The following RNF168 variants were observed in gnomAD, a reference collection of about 807,000 sequenced individuals.
RNF168 encodes the protein ring finger protein 168.
A neutral mutation model predicts 34.9 loss-of-function variants in RNF168; 34 were observed. That is an observed-to-expected ratio of 0.97 (90% confidence interval 0.74 to 1.30). The LOEUF is 1.30. RNF168 is among the 50% of genes most tolerant of loss of function. The pLI is 0.00. For synonymous variants in RNF168, 264 were observed against 254.7 expected, an observed-to-expected ratio of 1.04 and a Z score of -0.35; for missense variants, 725 against 682.5, an observed-to-expected ratio of 1.06 and a Z score of -0.69.
intron 5 of RNF168, among the ~76,000 whole-genome samples, chr3:196,473,226 T>C (rs1285268715): frequency 3.3e-5 from 5 of 152,186 alleles, no homozygotes; most frequent in Admixed American, 6.6e-5. Context: ...TTTTAACTCT[T>C]TTCTCTACCG....
chr3:196,489,741 G>A (rs1732545320), intron 1 of RNF168, among the ~76,000 whole-genome samples: 1 of 152,200 alleles, frequency 6.6e-6, no homozygotes, highest in Admixed American at 6.5e-5. Flanking sequence ...CTACAGCTGA[G>A]GTAGAATTAG....
intron 1 of RNF168, among the ~76,000 whole-genome samples, chr3:196,497,404 GCTCACACCTGTAATC>G (rs1426674216): frequency 6.6e-6 from 1 of 152,170 alleles, no homozygotes; most frequent in African/African-American, 2.4e-5. Context: ...AGACACAGTG[GCTCACACCTGTAATC>G]CTCGCACTTT....
At chr3:196,476,787 C>T (rs1295991857) in intron 4 of RNF168, among the ~76,000 whole-genome samples, 5 of 150,712 alleles carry the variant, frequency 3.3e-5, no homozygotes, top group Non-Finnish European at 5.9e-5. Context: ...CTCACTCTGT[C>T]GCCAGGCTGG....
chr3:196,488,683 G>C lies in RNF168; in HGVS notation c.302C>G (p.Ala101Gly). The C allele has an allele frequency of 6.3e-7, 1 of 1,587,166 alleles. No homozygotes were observed. The highest frequency in any genetic ancestry group is 8.6e-7 in the Non-Finnish European group (1 of 1,156,252). The change falls in exon 2 of 6, where the codon GCT becomes GGT. Residue 101 changes from alanine (A) to glycine (G), a missense_variant and splice_region_variant. Ala to Gly is a moderately conservative substitution (Grantham distance 60). Transcript: ENST00000318037. ...CAGACGAACTGGCTGATAGTCATCA[G>C]CTATTTCATATCAAAAAAGAAAATA... ...RASGQESEEVADDYQPVRLLS... is the reference protein window; with the variant it reads ...RASGQESEEVGDDYQPVRLLS...
intron 3 of RNF168, among the ~76,000 whole-genome samples, chr3:196,486,600 C>G (rs1732429658): frequency 1.3e-5 from 2 of 152,290 alleles, no homozygotes; most frequent in Admixed American, 1.3e-4. Context: ...TCCCAATGTA[C>G]TGGGATTACA....
At chr3:196,485,250 G>A (rs957312949) in intron 3 of RNF168, among the ~76,000 whole-genome samples, 4 of 152,182 alleles carry the variant, frequency 2.6e-5, no homozygotes, top group African/African-American at 4.8e-5. Flanking sequence ...GTTCATGCCT[G>A]TAATCCCAGC....
chr3:196,472,329 G>A lies in RNF168; in HGVS notation c.1206C>T (p.Cys402=), dbSNP rs1732028196. ...ESSFEAVKDP[C]FSAKRRKVSP... ...ACACTTTTCTTCTTTTTGCAGAAAA[G>A]CATGGATCCTTGACTGCTTCAAAGG... Residue 402 remains cysteine (C), a synonymous_variant, in exon 6 of 6, where the codon TGC becomes TGT. Coordinates refer to ENST00000318037, the MANE Select transcript of RNF168 (RefSeq NM_152617.4). 1 of 1,613,916 alleles carries A rather than the reference G, an allele frequency of 6.2e-7. No homozygotes were observed.
chr3:196,483,995 T>C, intron 3 of RNF168, 104 bp from the exon 4 acceptor site: 1 of 876,698 alleles, frequency 1.1e-6, no homozygotes, highest in South Asian at 1.4e-5. Context: ...TTTTCAGAAA[T>C]TATAGTTATA....
chr3:196,495,493 T>C (rs1326908099), intron 1 of RNF168, among the ~76,000 whole-genome samples: 2 of 152,246 alleles, frequency 1.3e-5, no homozygotes, highest in East Asian at 1.9e-4. Flanking sequence ...TTTGCCTTCA[T>C]GACACTGACA....
intron 3 of RNF168, among the ~76,000 whole-genome samples, chr3:196,485,637 C>G (rs1047281093): frequency 7.2e-5 from 11 of 151,830 alleles, no homozygotes. Flanking sequence ...TTGTGTATTT[C>G]TAAAGCGATT....
chr3:196,469,416 G>A lies in RNF168; in HGVS notation c.*2403C>T, dbSNP rs935274905. ...TTACCCAATCAGCATTGACATAGAT[G>A]CCATCAGGTATGCAAAGATTAACAA... On this transcript the variant is annotated 3_prime_UTR_variant, in exon 6 of 6. Transcript: ENST00000318037. The A allele has an allele frequency of 7.9e-5, 12 of 152,118 alleles. No individual in the cohort carries two copies. Among genetic ancestry groups the A allele is most frequent in the African/African-American group, 2.7e-4 (11 of 41,414 alleles). 9.4% of individuals were successfully genotyped at this position (152,118 alleles called of 1,614,324 possible). A position where few individuals can be genotyped will look rare whatever the true frequency, so the allele number is the denominator to read the frequency against.
Position 196,474,124 on chromosome 3 carries a change from ATT to A in RNF168, c.762+1105_762+1106del, listed in dbSNP as rs758504791. ...CTAGCATACTTTTTCTCATCTTGCA[ATT>A]TTTTTTTTTTTTTTTTTTTGAGGTG... On this transcript the variant is annotated intron_variant, in intron 5 of 5. Transcript: ENST00000318037. Among the ~76,000 whole-genome samples the A allele has an allele frequency of 1.4e-3, 172 of 124,250 alleles. 1 individual carries two copies. Among genetic ancestry groups the A allele is most frequent in the African/African-American group, 4.4e-3 (137 of 30,890 alleles). 81.5% of individuals were successfully genotyped at this position (124,250 alleles called of 152,430 possible). A position where few individuals can be genotyped will look rare whatever the true frequency, so the allele number is the denominator to read the frequency against.
chr3:196,473,995 C>CA (rs937488417), intron 5 of RNF168, among the ~76,000 whole-genome samples: 5 of 152,168 alleles, frequency 3.3e-5, no homozygotes, highest in Non-Finnish European at 7.3e-5. Context: ...CATGTGGTCT[C>CA]AAAGTAGTTA....
rs369699909 is a variant in RNF168, at chr3:196,474,509, A to G, written c.762+722T>C. On this transcript the variant is annotated intron_variant, in intron 5 of 5. Transcript: ENST00000318037. The stretch of plus-strand genomic sequence containing the variant: ...GTTGTCCAGGCTGGAGGGCAACGGC[A>G]CGATCTCAGCTCACCGCAACCTCTA... Among the ~76,000 whole-genome samples the G allele has an allele frequency of 7.3e-5, 10 of 137,656 alleles. No individual in the cohort carries two copies. In the East Asian group the frequency reaches 1.5e-3, roughly 21 times the overall value. The allele number at this position is 137,656 out of a possible 152,430, so 90.3% of individuals were successfully genotyped here.
chr3:196,488,783 A>G (rs913792185), intron 1 of RNF168, 100 bp from the exon 2 acceptor site: 2 of 690,858 alleles, frequency 2.9e-6, no homozygotes, highest in African/African-American at 3.6e-5. Flanking sequence ...ACAACTATTA[A>G]TAACTGCAGC....
Position 196,472,364 on chromosome 3 carries a change from G to T in RNF168, c.1171C>A (p.Gln391Lys). The change falls in exon 6 of 6, where the codon CAA (glutamine) becomes AAA (lysine). Residue 391 changes from glutamine to lysine, a missense_variant. Gln to Lys is a moderately conservative substitution (Grantham distance 53). Coordinates refer to ENST00000318037, the MANE Select transcript of RNF168 (RefSeq NM_152617.4). ...ISKEISKRKN[Q>K]ESSFEAVKDP... ...TTGACTGCTTCAAAGGAAGATTCTTGGTTTTTTCTTTTGGAAATCTCCTTA... is the reference window on the plus strand; with the variant it reads ...TTGACTGCTTCAAAGGAAGATTCTTTGTTTTTTCTTTTGGAAATCTCCTTA... The T allele has an allele frequency of 1.2e-6, 2 of 1,613,924 alleles. No homozygotes were observed. Among genetic ancestry groups the T allele is most frequent in the Non-Finnish European group, 1.7e-6 (2 of 1,179,972 alleles).
chr3:196,474,834 A>G lies in RNF168; in HGVS notation c.762+397T>C. On this transcript the variant is annotated intron_variant, in intron 5 of 5. Transcript: ENST00000318037. ...TGGATTACATAGGTCAAGGATCAGT[A>G]ATCTATGGCTCATGGACCAAATCCA... is the stretch of plus-strand genomic sequence containing the variant. 2.0e-5 allele frequency: 5 copies of G among 248,150 alleles called. No individual in the cohort carries two copies. In the South Asian group the frequency reaches 2.4e-4, roughly 12 times the overall value. The allele number at this position is 248,150 out of a possible 1,614,324, so 15.4% of individuals were successfully genotyped here.
rs768714262 is a variant in RNF168, at chr3:196,503,180, A to G, written c.-7T>C. Reference sequence around the variant, plus strand: ...CGTCTTTGGGTAGAGCCATTTCAATATGTTAGTAAAGCCGACTAAACAACG... The same window carrying G: ...CGTCTTTGGGTAGAGCCATTTCAATGTGTTAGTAAAGCCGACTAAACAACG... On this transcript the variant is annotated 5_prime_UTR_variant, in exon 1 of 6. Transcript: ENST00000318037. 26 of 1,613,326 alleles carry G rather than the reference A, an allele frequency of 1.6e-5. No homozygotes were observed. The highest frequency in any genetic ancestry group is 2.2e-5 in the Non-Finnish European group (26 of 1,179,488).
At chr3:196,489,668 G>T (rs1732543643) in intron 1 of RNF168, among the ~76,000 whole-genome samples, 1 of 152,150 alleles carries the variant, frequency 6.6e-6, no homozygotes, top group Non-Finnish European at 1.5e-5. Context: ...AAATGGGAAG[G>T]CAATGAAATA....
Sources: gnomAD v4.1 joint callset for allele counts (sites outside exome capture counted in the v4.1 genomes callset) on GRCh38, gnomAD v4.1.1 for gene constraint, MANE v1.5 for transcripts, NCBI Gene and HGNC (gene_info 2026-07-23, HGNC 2026-07-21) for gene names.